HHAT: variants seen among roughly 807,000 people sequenced by gnomAD.
The protein encoded by HHAT is hedgehog acyltransferase, also known as protein-cysteine N-palmitoyltransferase HHAT.
A neutral mutation model predicts 70.8 loss-of-function variants in HHAT; 47 were observed. That is an observed-to-expected ratio of 0.66 (90% confidence interval 0.53 to 0.85). HHAT has a LOEUF of 0.85. Ranked by LOEUF, HHAT falls within the 40% of genes least tolerant of loss-of-function variation. HHAT has a pLI of 0.00. For missense variants in HHAT, 609 were observed against 604.8 expected (o/e 1.01, Z -0.07); for synonymous variants, 228 against 247.6 (o/e 0.92, Z 0.74).
At chr1:210,345,948 C>T (rs543958296) in intron 1 of HHAT, among the ~76,000 whole-genome samples, 10 of 152,012 alleles carry the variant, frequency 6.6e-5, no homozygotes, top group Non-Finnish European at 1.2e-4. Flanking sequence ...CCTGTAATCC[C>T]AGCTACTCAG....
chr1:210,588,423 A>G (rs1660962471), intron 10 of HHAT: 1 of 259,418 alleles, frequency 3.9e-6, no homozygotes, highest in Non-Finnish European at 7.4e-6. Context: ...TGTATATACA[A>G]ACAGACATAT....
intron 6 of HHAT, 117 bp from the exon 7 acceptor site, chr1:210,418,037 A>C (rs2092775608): frequency 4.2e-6 from 4 of 960,904 alleles, no homozygotes; most frequent in Non-Finnish European, 6.6e-6. Context: ...AACCAAACCA[A>C]CCCTCTGTCA....
chr1:210,374,984 A>C (rs1300753272), intron 3 of HHAT, among the ~76,000 whole-genome samples: 2 of 151,506 alleles, frequency 1.3e-5, no homozygotes, highest in African/African-American at 4.9e-5. Context: ...CTAACAGGAG[A>C]ACCTGATGGT....
At chr1:210,566,057 T>TA (rs1356710302) in intron 9 of HHAT, among the ~76,000 whole-genome samples, 1 of 152,206 alleles carries the variant, frequency 6.6e-6, no homozygotes, top group African/African-American at 2.4e-5. Flanking sequence ...GAACTTTTTT[T>TA]ATCACCTCAT....
chr1:210,435,143 C>A (rs1294401071), intron 7 of HHAT, among the ~76,000 whole-genome samples: 1 of 151,798 alleles, frequency 6.6e-6, no homozygotes, highest in Admixed American at 6.6e-5. Context: ...TTTCCCTTCC[C>A]AGCCTCTGGT....
At chr1:210,602,054 T>A (rs1664409720) in intron 10 of HHAT, among the ~76,000 whole-genome samples, 3 of 150,842 alleles carry the variant, frequency 2.0e-5, no homozygotes, top group Admixed American at 2.0e-4. Context: ...AGAAGTTGGA[T>A]CGAGGGGGAG....
At chr1:210,366,552 G>C (rs1240109237) in intron 3 of HHAT, among the ~76,000 whole-genome samples, 1 of 152,176 alleles carries the variant, frequency 6.6e-6, no homozygotes, top group Non-Finnish European at 1.5e-5. Context: ...GGAGGTGGAG[G>C]TTGTAGTGAG....
At chr1:210,616,170 A>G (rs547393443) in intron 10 of HHAT, among the ~76,000 whole-genome samples, 2 of 152,190 alleles carry the variant, frequency 1.3e-5, no homozygotes, top group Non-Finnish European at 2.9e-5. Context: ...GCACTACCTC[A>G]CTTATTTTCT....
At chr1:210,360,303 T>TG (rs1399550679) in intron 2 of HHAT, among the ~76,000 whole-genome samples, 1 of 139,488 alleles carries the variant, frequency 7.2e-6, no homozygotes, top group African/African-American at 2.6e-5. Context: ...GTTGTTTTTG[T>TG]GTTTTTTTTT....
At position 210,675,480 on chromosome 1, in the gene HHAT, G is replaced by A. The variant is rs1210984783; in HGVS notation, c.*1101G>A. On this transcript the variant is annotated 3_prime_UTR_variant, in exon 12 of 12. Coordinates refer to ENST00000261458, the MANE Select transcript of HHAT (RefSeq NM_018194.6). ...TTGAATTTGGATTTTTTTTTTTTTT[G>A]GAGTGGGGAAGGGTATAAAGGAGGC... The A allele has an allele frequency of 1.4e-5, 2 of 143,150 alleles. No homozygotes were observed. Among genetic ancestry groups the A allele is most frequent in the Non-Finnish European group, 3.1e-5 (2 of 65,048 alleles). The allele number at this position is 143,150 out of a possible 1,614,324, so 8.9% of individuals were successfully genotyped here.
At chr1:210,616,558 G>A (rs1667783983) in intron 10 of HHAT, among the ~76,000 whole-genome samples, 1 of 152,154 alleles carries the variant, frequency 6.6e-6, no homozygotes, top group Non-Finnish European at 1.5e-5. Context: ...ACCATTGTTA[G>A]TGGGATACAT....
At chr1:210,506,195 G>C (rs1049811960) in intron 8 of HHAT, among the ~76,000 whole-genome samples, 2 of 152,198 alleles carry the variant, frequency 1.3e-5, no homozygotes, top group African/African-American at 4.8e-5. Context: ...GAGTACAGCA[G>C]TCATAATCAT....
intron 10 of HHAT, among the ~76,000 whole-genome samples, chr1:210,614,819 C>T (rs1321287778): frequency 6.6e-6 from 1 of 152,192 alleles, no homozygotes; most frequent in Non-Finnish European, 1.5e-5. Context: ...CATTGTTGGA[C>T]ATTTGGGTTG....
chr1:210,577,605 A>G (rs1186380179), intron 9 of HHAT, among the ~76,000 whole-genome samples: 1 of 137,216 alleles, frequency 7.3e-6, no homozygotes, highest in East Asian at 2.1e-4. Context: ...ATGTTCTTGC[A>G]TCTATGTGCA....
intron 11 of HHAT, among the ~76,000 whole-genome samples, chr1:210,630,120 C>T (rs1670586398): frequency 6.6e-6 from 1 of 152,170 alleles, no homozygotes; most frequent in African/African-American, 2.4e-5. Context: ...GGATTACAGG[C>T]GTGAGCCACC....
At chr1:210,570,444 G>T (rs747468734) in intron 9 of HHAT, among the ~76,000 whole-genome samples, 2 of 152,174 alleles carry the variant, frequency 1.3e-5, no homozygotes, top group Non-Finnish European at 2.9e-5. Context: ...GTACAGTGTA[G>T]CCCCTGGGAA....
At chr1:210,521,052 G>A (rs994553058) in intron 9 of HHAT, among the ~76,000 whole-genome samples, 12 of 152,204 alleles carry the variant, frequency 7.9e-5, no homozygotes, top group African/African-American at 2.9e-4. Context: ...GATCTCTGGA[G>A]ATCTTAATGT....
intron 9 of HHAT, among the ~76,000 whole-genome samples, chr1:210,554,163 A>G (rs991995504): frequency 2.0e-5 from 3 of 152,172 alleles, no homozygotes; most frequent in Non-Finnish European, 4.4e-5. Flanking sequence ...CAGATAGGTT[A>G]ATGATTTTAG....
chr1:210,584,046 C>A (rs967428434), intron 9 of HHAT, among the ~76,000 whole-genome samples: 2 of 139,714 alleles, frequency 1.4e-5, no homozygotes, highest in Non-Finnish European at 3.0e-5. Flanking sequence ...CAGGTTCAAG[C>A]AATTCCCGGG....
Sources: allele counts gnomAD v4.1 joint callset (sites outside exome capture counted in the v4.1 genomes callset), GRCh38; gene constraint gnomAD v4.1.1; transcripts MANE v1.5; gene names NCBI Gene and HGNC (gene_info 2026-07-23, HGNC 2026-07-21).